TIAM1: variants seen among roughly 807,000 people sequenced by gnomAD.
TIAM1 encodes rho guanine nucleotide exchange factor TIAM1.
TIAM1 carries 65 observed loss-of-function variants against 163.5 expected under a neutral mutation model. That is an observed-to-expected ratio of 0.40 (90% CI 0.33 to 0.49). TIAM1 has a LOEUF of 0.49. Among genes scored for constraint, TIAM1 ranks in the 20% least tolerant of loss-of-function variants. The pLI is 0.77. For missense variants in TIAM1, 1,789 were observed against 2,044.7 expected, an observed-to-expected ratio of 0.87 and a Z score of 2.41; for synonymous variants, 833 against 810.1, an observed-to-expected ratio of 1.03 and a Z score of -0.48.
chr21:31,225,679 A>G (rs1393224161), intron 7 of TIAM1, 47 bp downstream of exon 7: 2 of 1,386,066 alleles, frequency 1.4e-6, no homozygotes, highest in Admixed American at 1.8e-5. Flanking sequence ...AAACCCTTTT[A>G]GAGACCTAAC....
At chr21:31,315,051 C>G (rs2075058866) in intron 2 of TIAM1, among the ~76,000 whole-genome samples, 1 of 152,144 alleles carries the variant, frequency 6.6e-6, no homozygotes, top group Admixed American at 6.5e-5. Context: ...CGCACCAAAA[C>G]CACATTTTGG....
chr21:31,147,280 A>T (rs1242501401), intron 19 of TIAM1, among the ~76,000 whole-genome samples: 2 of 152,248 alleles, frequency 1.3e-5, no homozygotes, highest in African/African-American at 4.8e-5. Flanking sequence ...TTAATAACCT[A>T]TCCGGGCTGT....
At position 31,299,656 on chromosome 21, in the gene TIAM1, G is replaced by A. The variant is rs540045392; in HGVS notation, c.-188-22748C>T. On this transcript the variant is annotated intron_variant, in intron 2 of 27. Coordinates refer to ENST00000541036, the MANE Select transcript of TIAM1 (RefSeq NM_001353694.2). ...GCAGTCTCAAGCCCCAAGGCACGAC[G>A]TTACCCATTATGTGGTAGGGAGTAA... is the stretch of plus-strand genomic sequence containing the variant. Among the ~76,000 whole-genome samples, 5 of 152,286 alleles carry A rather than the reference G, an allele frequency of 3.3e-5. No homozygotes were observed. The South Asian group carries it at 1.0e-3, about 32-fold the overall frequency.
At chr21:31,183,479 T>C (rs13340018) in intron 14 of TIAM1, among the ~76,000 whole-genome samples, 3,095 of 152,232 alleles carry the variant, frequency 0.02, 110 homozygotes, top group African/African-American at 0.071. Flanking sequence ...GAGCCCAATT[T>C]CTAATTTTAT....
chr21:31,527,746 C>T (rs550396231), intron 1 of TIAM1, among the ~76,000 whole-genome samples: 3 of 152,180 alleles, frequency 2.0e-5, no homozygotes, highest in South Asian at 4.1e-4. Flanking sequence ...ATCTTAAAGG[C>T]CACCAGTCCC....
rs1555955062 is a variant in TIAM1 at position 31,359,862 on chromosome 21, AAGGG to A, written c.-368-20444_-368-20441del. 7.4e-3 allele frequency among the ~76,000 whole-genome samples: 879 copies of A among 118,482 alleles called. 14 individuals are homozygous for A. Among genetic ancestry groups the A allele is most frequent in the Middle Eastern group, 0.02 (5 of 250 alleles). 77.7% of individuals were successfully genotyped at this position (118,482 alleles called of 152,430 possible). A position where few individuals can be genotyped will look rare whatever the true frequency, so the allele number is the denominator to read the frequency against. Reference sequence around the variant, plus strand: ...GAAGGAAGGAAGGAAGGAAGGAAGGAAGGGAGGGAGGGAGGAAAGACAATGAAAG... The same window carrying A: ...GAAGGAAGGAAGGAAGGAAGGAAGGAAGGGAGGGAGGAAAGACAATGAAAG... On this transcript the variant is annotated intron_variant, in intron 2 of 28. Transcript: ENST00000286827.
At chr21:31,315,345 T>C (rs2075075111) in intron 2 of TIAM1, among the ~76,000 whole-genome samples, 1 of 151,752 alleles carries the variant, frequency 6.6e-6, no homozygotes, top group Non-Finnish European at 1.5e-5. Context: ...AAACCCCTTC[T>C]CTACTAAAAA....
At chr21:31,525,742 T>G (rs572606945) in intron 1 of TIAM1, among the ~76,000 whole-genome samples, 1 of 152,160 alleles carries the variant, frequency 6.6e-6, no homozygotes, top group Middle Eastern at 3.4e-3. Context: ...ACATTAATTA[T>G]GTCATCCGAC....
At chr21:31,170,775 C>T (rs887403677) in intron 15 of TIAM1, among the ~76,000 whole-genome samples, 5 of 151,980 alleles carry the variant, frequency 3.3e-5, no homozygotes, top group African/African-American at 1.2e-4. Flanking sequence ...TAGTGGCTCA[C>T]ACCTGTAATC....
chr21:31,375,901 C>T (rs933882045), intron 2 of TIAM1, among the ~76,000 whole-genome samples: 1 of 151,980 alleles, frequency 6.6e-6, no homozygotes, highest in Non-Finnish European at 1.5e-5. Flanking sequence ...ATGGTGGGCG[C>T]CTGTAATCCC....
At position 31,513,099 on chromosome 21, in the gene TIAM1, T is replaced by C. The variant is rs963919474; in HGVS notation, c.-422+45828A>G. ...GTTTAACATTTACTCTTTTTTAACA[T>C]AATTCTTAACTTCTAAAGCAATGCT... On this transcript the variant is annotated intron_variant, in intron 1 of 28. Transcript: ENST00000286827. 2.6e-5 allele frequency among the ~76,000 whole-genome samples: 4 copies of C among 152,258 alleles called. No individual in the cohort carries two copies. In the East Asian group the frequency reaches 5.8e-4, roughly 22 times the overall value.
intron 8 of TIAM1, among the ~76,000 whole-genome samples, chr21:31,219,059 T>G (rs1183487374): frequency 8.1e-6 from 1 of 124,000 alleles, no homozygotes; most frequent in East Asian, 2.7e-4. Context: ...TTTGACGGAG[T>G]CTCGCTCTGT....
chr21:31,558,856 G>C (rs2048989190), intron 1 of TIAM1: 1 of 152,072 alleles, frequency 6.6e-6, no homozygotes, highest in African/African-American at 2.4e-5. Context: ...CGAGGCTCCG[G>C]GCATCCTCGC....
chr21:31,407,170 T>G (rs2077261526), intron 2 of TIAM1, among the ~76,000 whole-genome samples: 3 of 152,174 alleles, frequency 2.0e-5, no homozygotes, highest in African/African-American at 7.2e-5. Flanking sequence ...AAAGAAAGCC[T>G]AATGCATGGT....
chr21:31,190,370 C>G (rs2085498027), intron 13 of TIAM1, among the ~76,000 whole-genome samples: 1 of 152,092 alleles, frequency 6.6e-6, no homozygotes, highest in South Asian at 2.1e-4. Flanking sequence ...CATGATCCCA[C>G]CACTGCATTC....
intron 11 of TIAM1, 68 bp from the exon 12 acceptor site, chr21:31,203,080 A>C: frequency 8.0e-7 from 1 of 1,246,056 alleles, no homozygotes; most frequent in Non-Finnish European, 1.2e-6. Flanking sequence ...TTAGTTCTCC[A>C]CCAACATACG....
chr21:31,509,255 A>G (rs1297107836), intron 1 of TIAM1, among the ~76,000 whole-genome samples: 6 of 152,146 alleles, frequency 3.9e-5, no homozygotes, highest in Non-Finnish European at 8.8e-5. Flanking sequence ...AACCACTACT[A>G]CAGCTGGGAG....
intron 2 of TIAM1, among the ~76,000 whole-genome samples, chr21:31,444,842 T>C (rs1388760835): frequency 6.6e-6 from 1 of 151,970 alleles, no homozygotes; most frequent in Non-Finnish European, 1.5e-5. Flanking sequence ...ATACTAAAAA[T>C]ACAAAATTAG....
chr21:31,402,369 A>C (rs2077180343), intron 2 of TIAM1, among the ~76,000 whole-genome samples: 1 of 152,156 alleles, frequency 6.6e-6, no homozygotes, highest in South Asian at 2.1e-4. Flanking sequence ...GAGACCAACC[A>C]AGAAAGTCAG....
Sources: allele counts gnomAD v4.1 joint callset (sites outside exome capture counted in the v4.1 genomes callset), GRCh38; gene constraint gnomAD v4.1.1; transcripts MANE v1.5; gene names NCBI Gene and HGNC (gene_info 2026-07-23, HGNC 2026-07-21).